LIN28B: variants seen among roughly 807,000 people sequenced by gnomAD.
LIN28B encodes lin-28 RNA binding posttranscriptional regulator B, also known as protein lin-28 homolog B.
LIN28B carries 5 observed loss-of-function variants against 21.9 expected under a neutral mutation model. The ratio of observed to expected loss-of-function variants is 0.23; its 90% CI spans 0.12 to 0.48. LIN28B has a LOEUF of 0.48. LIN28B is among the 20% of genes least tolerant of loss of function. LIN28B has a pLI of 0.98. For missense variants in LIN28B, 245 were observed against 310.5 expected (o/e 0.79, Z 1.58); for synonymous variants, 109 against 111.3 (o/e 0.98, Z 0.13).
Position 105,014,757 on chromosome 6 carries a change from T to A in LIN28B, c.199-11541T>A, listed in dbSNP as rs187757552. ...TATAAGCCACTGTACCTGGCCTTTT[T>A]AAAAATAGATAAATAAATAAATAAA... On this transcript the variant is annotated intron_variant, in intron 2 of 3. Coordinates refer to ENST00000345080, the MANE Select transcript of LIN28B (RefSeq NM_001004317.4). 9.5e-4 allele frequency among the ~76,000 whole-genome samples: 144 copies of A among 152,238 alleles called. 1 individual carries two copies. The highest frequency in any genetic ancestry group is 2.4e-3 in the Admixed American group (36 of 15,298).
At position 105,079,261 on chromosome 6, in the gene LIN28B, G is replaced by A. The variant is rs1287467332; in HGVS notation, c.*478G>A. Reference sequence around the variant, plus strand: ...TTATATTATATAAAACTAAAAACACGACTGTTACCTTTTGTGTGAACCAAA... The same window carrying A: ...TTATATTATATAAAACTAAAAACACAACTGTTACCTTTTGTGTGAACCAAA... On this transcript the variant is annotated 3_prime_UTR_variant, in exon 4 of 4. Coordinates refer to ENST00000345080, the MANE Select transcript of LIN28B (RefSeq NM_001004317.4). 1.3e-5 allele frequency: 2 copies of A among 152,814 alleles called. No homozygotes were observed. The highest frequency in any genetic ancestry group is 1.3e-4 in the Admixed American group (2 of 15,306). The allele number at this position is 152,814 out of a possible 1,614,324, so 9.5% of individuals were successfully genotyped here.
At chr6:105,003,997 C>A (rs944041754) in intron 2 of LIN28B, among the ~76,000 whole-genome samples, 3 of 152,128 alleles carry the variant, frequency 2.0e-5, no homozygotes, top group Non-Finnish European at 2.9e-5. Context: ...CCACAATAGG[C>A]TGTCTGCATG....
rs188359337 is a variant in LIN28B at position 105,006,170 on chromosome 6, A to G, written c.199-20128A>G. On this transcript the variant is annotated intron_variant, in intron 2 of 3. Coordinates refer to ENST00000345080, the MANE Select transcript of LIN28B (RefSeq NM_001004317.4). ...GTATGACATTTTTACTAAACACTTT[A>G]ACACTACATAGCATGGATTGCCAAC... is the stretch of plus-strand genomic sequence containing the variant. Among the ~76,000 whole-genome samples the G allele has an allele frequency of 4.6e-5, 7 of 152,294 alleles. No individual in the cohort carries two copies. In the East Asian group the frequency reaches 1.4e-3, roughly 29 times the overall value.
rs553442314 is a variant in LIN28B at position 104,998,303 on chromosome 6, T to C, written c.199-27995T>C. ...TTATTCATAAAGCATAAAGTTCAAC[T>C]AAAAGAGGGATGTAAATCTGTTAAC... is the stretch of plus-strand genomic sequence containing the variant. On this transcript the variant is annotated intron_variant, in intron 2 of 3. Coordinates refer to ENST00000345080, the MANE Select transcript of LIN28B (RefSeq NM_001004317.4). Among the ~76,000 whole-genome samples the C allele has an allele frequency of 1.6e-3, 243 of 152,302 alleles. 5 individuals are homozygous for C. The highest frequency in any genetic ancestry group is 5.9e-3 in the Admixed American group (91 of 15,300).
chr6:105,048,503 C>T (rs1346718402), intron 3 of LIN28B, among the ~76,000 whole-genome samples: 2 of 152,146 alleles, frequency 1.3e-5, no homozygotes, highest in African/African-American at 4.8e-5. Context: ...CTCTGTCAGG[C>T]TTTGGTATCA....
intron 3 of LIN28B, among the ~76,000 whole-genome samples, chr6:105,064,551 T>C (rs1228379471): frequency 6.6e-6 from 1 of 152,216 alleles, no homozygotes; most frequent in African/African-American, 2.4e-5. Flanking sequence ...CCCGCACATA[T>C]ATTGCATTCA....
rs143816821 is a variant in LIN28B at position 105,037,802 on chromosome 6, C to T, written c.383+11320C>T. ...CTGGGATTACAGACGTGAGCTACTG[C>T]GCCCGGCCAAGAGTTACAACTTGAA... On this transcript the variant is annotated intron_variant, in intron 3 of 3. Coordinates refer to ENST00000345080, the MANE Select transcript of LIN28B (RefSeq NM_001004317.4). 8.1e-3 allele frequency among the ~76,000 whole-genome samples: 1,236 copies of T among 152,052 alleles called. 15 individuals are homozygous for T. The highest frequency in any genetic ancestry group is 0.028 in the African/African-American group (1,152 of 41,490).
At position 105,052,845 on chromosome 6, in the gene LIN28B, C is replaced by T. The variant is rs1486397788; in HGVS notation, c.384-25569C>T. On this transcript the variant is annotated intron_variant, in intron 3 of 3. Transcript: ENST00000345080. ...AAAATCCTTTCTAGCCAATTTTTGG[C>T]TTTGTTAATTTTTTTATATTGTTTT... 2.0e-5 allele frequency among the ~76,000 whole-genome samples: 3 copies of T among 151,880 alleles called. No homozygotes were observed. In the East Asian group the frequency reaches 5.8e-4, roughly 29 times the overall value.
intron 2 of LIN28B, among the ~76,000 whole-genome samples, chr6:104,987,085 C>T (rs905336907): frequency 6.6e-6 from 1 of 152,140 alleles, no homozygotes; most frequent in Non-Finnish European, 1.5e-5. Flanking sequence ...TTGACTTTGA[C>T]AAATCCATGA....
chr6:105,031,810 T>TTTTTTTC (rs1771431169), intron 3 of LIN28B, among the ~76,000 whole-genome samples: 2 of 152,096 alleles, frequency 1.3e-5, no homozygotes, highest in Non-Finnish European at 2.9e-5. Flanking sequence ...GAAAATTGAA[T>TTTTTTTC]TTTTTTCTTT....
At chr6:105,058,022 T>A (rs1011229157) in intron 3 of LIN28B, 23 of 378,536 alleles carry the variant, frequency 6.1e-5, no homozygotes, top group African/African-American at 4.8e-4. Flanking sequence ...TTTTGTCTTT[T>A]ATGATTTTTT....
chr6:104,983,140 C>G (rs1770260935), intron 2 of LIN28B, among the ~76,000 whole-genome samples: 1 of 152,140 alleles, frequency 6.6e-6, no homozygotes, highest in Non-Finnish European at 1.5e-5. Context: ...AAGCCAGAGA[C>G]ATAAATAATA....
intron 3 of LIN28B, among the ~76,000 whole-genome samples, chr6:105,051,454 G>GA (rs1273135448): frequency 3.3e-5 from 5 of 150,930 alleles, no homozygotes; most frequent in Non-Finnish European, 7.4e-5. Flanking sequence ...AAAAAAGAAA[G>GA]AAAAAGAAAG....
At chr6:104,942,623 T>G (rs1778109964) in intron 2 of LIN28B, among the ~76,000 whole-genome samples, 2 of 152,134 alleles carry the variant, frequency 1.3e-5, no homozygotes, top group African/African-American at 4.8e-5. Flanking sequence ...TTTTCAATAA[T>G]AATTACACCC....
intron 3 of LIN28B, among the ~76,000 whole-genome samples, chr6:105,071,436 A>G (rs960561829): frequency 6.6e-6 from 1 of 152,200 alleles, no homozygotes; most frequent in Non-Finnish European, 1.5e-5. Context: ...TAACAAGTTT[A>G]TAGCTTAACA....
upstream of LIN28B, among the ~76,000 whole-genome samples, chr6:104,953,375 A>T (rs1381191886): frequency 6.6e-6 from 1 of 152,160 alleles, no homozygotes; most frequent in African/African-American, 2.4e-5. Context: ...CACTTATCTT[A>T]GCTTTAGGAG....
At chr6:105,058,684 G>T (rs1404523389) in intron 3 of LIN28B, among the ~76,000 whole-genome samples, 1 of 152,146 alleles carries the variant, frequency 6.6e-6, no homozygotes, top group Non-Finnish European at 1.5e-5. Flanking sequence ...TTTTTCAGTG[G>T]TATGGTTGTT....
intron 3 of LIN28B, among the ~76,000 whole-genome samples, chr6:105,059,254 T>C (rs546615626): frequency 7.9e-5 from 12 of 152,168 alleles, no homozygotes; most frequent in Middle Eastern, 3.4e-3. Flanking sequence ...GTATCTCTTT[T>C]CTTGTCTTCC....
At chr6:104,955,672 G>A (rs1778275847), upstream of LIN28B, among the ~76,000 whole-genome samples, 1 of 150,840 alleles carries the variant, frequency 6.6e-6, no homozygotes, top group Admixed American at 6.6e-5. Flanking sequence ...CTGGGAGGGG[G>A]ATTGCTGGCA....
Sources: gnomAD v4.1 joint callset for allele counts (sites outside exome capture counted in the v4.1 genomes callset) on GRCh38, gnomAD v4.1.1 for gene constraint, MANE v1.5 for transcripts, NCBI Gene and HGNC (gene_info 2026-07-23, HGNC 2026-07-21) for gene names.